Variants in RTKN2 observed in about 807,000 individuals in gnomAD.
RTKN2 encodes the protein rhotekin 2.
A neutral mutation model predicts 71.5 loss-of-function variants in RTKN2; 69 were observed. The observed-to-expected ratio is 0.96, with a 90% CI of 0.79 to 1.18. RTKN2 has a LOEUF of 1.18. Ranked by LOEUF, RTKN2 falls within the 50% of genes most tolerant of loss-of-function variation. The pLI is 0.00. For synonymous variants in RTKN2, 236 were observed against 236.5 expected (o/e 1.00, Z 0.02); for missense variants, 724 against 719.7 (o/e 1.01, Z -0.07).
intron 9 of RTKN2, among the ~76,000 whole-genome samples, chr10:62,212,881 G>T (rs796764032): frequency 2.0e-5 from 3 of 152,220 alleles, no homozygotes; most frequent in African/African-American, 7.2e-5. Context: ...TGAAGGTAGG[G>T]CAGGGAGGAA....
In RTKN2 at chr10:62,236,067, A is replaced by C. The variant is rs144004963; in HGVS notation, c.685T>G (p.Phe229Val). Residue 229 changes from phenylalanine to valine, a missense_variant and splice_region_variant, in exon 6 of 12, where the codon TTT (phenylalanine) becomes GTT (valine). Phe to Val is a conservative substitution (Grantham distance 50, BLOSUM62 -1). Coordinates refer to ENST00000373789, the MANE Select transcript of RTKN2 (RefSeq NM_145307.4). ...EMCLLLSSAVFGVKYNLLAHT... is the reference protein window; with the variant it reads ...EMCLLLSSAVVGVKYNLLAHT... ...ATAAATACAGTATTAAAAACTTACA[A>C]AACAGCAGAGCTGAGGAGCAAGCAC... 2 of 1,606,290 alleles carry C rather than the reference A, an allele frequency of 1.2e-6. No homozygotes were observed. Among genetic ancestry groups the C allele is most frequent in the Non-Finnish European group, 1.7e-6 (2 of 1,174,064 alleles).
intron 2 of RTKN2, among the ~76,000 whole-genome samples, chr10:62,260,838 CATAAT>C (rs1179745444): frequency 2.0e-5 from 3 of 152,242 alleles, no homozygotes; most frequent in East Asian, 3.9e-4. Context: ...TGATAGATGA[CATAAT>C]ATAATGTTTA....
chr10:62,256,022 CT>C (rs34518542), intron 2 of RTKN2, among the ~76,000 whole-genome samples: 110 of 145,726 alleles, frequency 7.5e-4, no homozygotes, highest in Non-Finnish European at 6.9e-4. Context: ...AATCTAGACT[CT>C]TTTTTTTTTT....
chr10:62,260,730 G>A (rs375663649), intron 2 of RTKN2, among the ~76,000 whole-genome samples: 2 of 151,984 alleles, frequency 1.3e-5, no homozygotes, highest in Non-Finnish European at 2.9e-5. Context: ...CCACACTGCC[G>A]AATTTAAGAA....
intron 1 of RTKN2, among the ~76,000 whole-genome samples, chr10:62,264,084 A>C (rs1376935608): frequency 6.6e-6 from 1 of 152,204 alleles, no homozygotes. Context: ...AAAAATAAAG[A>C]CTATAATTTA....
chr10:62,268,453 G>A (rs909119060), intron 1 of RTKN2, 98 bp downstream of exon 1: 46 of 1,126,520 alleles, frequency 4.1e-5, no homozygotes, highest in African/African-American at 2.3e-4. Context: ...ATAGAGGAGC[G>A]GGGGAGAGGC....
chr10:62,201,147 A>G, intron 10 of RTKN2, among the ~76,000 whole-genome samples: 1 of 152,112 alleles, frequency 6.6e-6, no homozygotes, highest in Non-Finnish European at 1.5e-5. Context: ...CCAATAGAAA[A>G]GTAAATGTAA....
intron 10 of RTKN2, among the ~76,000 whole-genome samples, chr10:62,200,303 C>T (rs1841414583): frequency 8.4e-6 from 1 of 118,772 alleles, no homozygotes; most frequent in African/African-American, 3.2e-5. Context: ...GCAGAGGTTA[C>T]AATGAGCCGA....
In RTKN2 at chr10:62,199,807, C is replaced by T. The variant is rs879435916; in HGVS notation, c.1241G>A (p.Arg414Gln). ...ELMKIEIMSP[R>Q]KPPLFLTKEA... ...TTTTGTCAAGAACAAAGGTGGTTTC[C>T]GTGGTGACATAATCTCAATTTTCAT... The change falls in exon 11 of 12, where the codon CGG (arginine) becomes CAG (glutamine). Residue 414 changes from arginine (R) to glutamine (Q), a missense_variant. Coordinates refer to ENST00000373789, the MANE Select transcript of RTKN2 (RefSeq NM_145307.4). 8.1e-6 allele frequency: 13 copies of T among 1,613,446 alleles called. No homozygotes were observed. The East Asian group carries it at 8.9e-5, about 11-fold the overall frequency.
rs1841307989 is a variant in RTKN2, at chr10:62,195,582, GGAAGGAGA to G, written c.*2318_*2325del. The G allele has an allele frequency of 1.6e-6, 1 of 642,544 alleles. No individual in the cohort carries two copies. The highest frequency in any genetic ancestry group is 1.9e-6 in the Non-Finnish European group (1 of 520,182). 39.8% of individuals were successfully genotyped at this position (642,544 alleles called of 1,614,324 possible). ...AAAAAGGAAGGAAGGAGGGAAGGAG[GGAAGGAGA>G]GACGGACAGAGGGAATGAAGGAAGG... On this transcript the variant is annotated 3_prime_UTR_variant, in exon 12 of 12. Coordinates refer to ENST00000373789, the MANE Select transcript of RTKN2 (RefSeq NM_145307.4).
Position 62,205,040 on chromosome 10 carries a change from A to C in RTKN2, c.1021-18T>G. On this transcript the variant is annotated intron_variant, in intron 9 of 11. Coordinates refer to ENST00000373789, the MANE Select transcript of RTKN2 (RefSeq NM_145307.4). The stretch of plus-strand genomic sequence containing the variant: ...CTGGTTTCCTAAAAATTAAGAAAAA[A>C]ATTGGGGTTTTGCATGAGAAAATTT... 1 of 1,569,504 alleles carries C rather than the reference A, an allele frequency of 6.4e-7. No homozygotes were observed. Among genetic ancestry groups the C allele is most frequent in the Non-Finnish European group, 8.6e-7 (1 of 1,167,214 alleles).
chr10:62,252,983 G>C (rs976590580), intron 2 of RTKN2, among the ~76,000 whole-genome samples: 10 of 151,904 alleles, frequency 6.6e-5, no homozygotes, highest in African/African-American at 2.2e-4. Flanking sequence ...TAATATAAAA[G>C]AATATTACAG....
intron 3 of RTKN2, 151 bp from the exon 4 acceptor site, chr10:62,241,346 T>C (rs1842370098): frequency 1.8e-6 from 1 of 560,162 alleles, no homozygotes; most frequent in Admixed American, 3.7e-5. Context: ...AGACATTGTT[T>C]ATAGTTTGTA....
chr10:62,261,448 T>C (rs941885052), intron 2 of RTKN2, among the ~76,000 whole-genome samples: 13 of 151,982 alleles, frequency 8.6e-5, no homozygotes, highest in African/African-American at 3.1e-4. Flanking sequence ...GAAACCATCC[T>C]GGCTAACATG....
chr10:62,215,070 T>G, intron 9 of RTKN2: 1 of 1,520,632 alleles, frequency 6.6e-7, no homozygotes, highest in Non-Finnish European at 8.9e-7. Context: ...CCTTCGAGAC[T>G]GTCTTCAAAT....
chr10:62,213,667 G>C (rs1329766280), intron 9 of RTKN2, among the ~76,000 whole-genome samples: 1 of 151,914 alleles, frequency 6.6e-6, no homozygotes, highest in African/African-American at 2.4e-5. Flanking sequence ...AAGTATTCAG[G>C]AATGAAGTAT....
chr10:62,196,326 A>C lies in RTKN2; in HGVS notation c.*1582T>G, dbSNP rs1373075611. The C allele has an allele frequency of 1.0e-6, 1 of 984,018 alleles. No homozygotes were observed. Among genetic ancestry groups the C allele is most frequent in the Non-Finnish European group, 1.2e-6 (1 of 828,648 alleles). The allele number at this position is 984,018 out of a possible 1,614,324, so 61.0% of individuals were successfully genotyped here. ...ATGTGATGATCTCTACATGCTATCA[A>C]GCAGGCATATAGTACTTTCTTCTCA... On this transcript the variant is annotated 3_prime_UTR_variant, in exon 12 of 12. Transcript: ENST00000373789.
At chr10:62,207,388 C>T (rs929489936) in intron 9 of RTKN2, among the ~76,000 whole-genome samples, 1 of 152,022 alleles carries the variant, frequency 6.6e-6, no homozygotes, top group African/African-American at 2.4e-5. Flanking sequence ...GAATTAACTT[C>T]TATATGTTAT....
At chr10:62,216,990 A>G (rs1841782595) in intron 9 of RTKN2, 128 bp downstream of exon 9, 1 of 555,306 alleles carries the variant, frequency 1.8e-6, no homozygotes, top group Non-Finnish European at 2.9e-6. Context: ...ATTAAATCAT[A>G]TTTATGAAGT....
Sources: gnomAD v4.1 joint callset for allele counts (sites outside exome capture counted in the v4.1 genomes callset) on GRCh38, gnomAD v4.1.1 for gene constraint, MANE v1.5 for transcripts, NCBI Gene and HGNC (gene_info 2026-07-23, HGNC 2026-07-21) for gene names.